SACM1L: variants seen among roughly 807,000 people sequenced by gnomAD.
SACM1L encodes SAC1 like phosphatidylinositide phosphatase.
Under a neutral mutation model 89.5 loss-of-function variants are expected in SACM1L, and 32 were observed. The observed-to-expected ratio is 0.36, with a 90% confidence interval of 0.27 to 0.48. The LOEUF is 0.48. Among genes scored for constraint, SACM1L ranks in the 20% least tolerant of loss-of-function variants. The pLI, the probability that SACM1L is intolerant of heterozygous loss-of-function variation, is 0.99. For missense variants in SACM1L, 543 were observed against 708.5 expected, an observed-to-expected ratio of 0.77 and a Z score of 2.65; for synonymous variants, 213 against 232.8, an observed-to-expected ratio of 0.92 and a Z score of 0.77.
At chr3:45,722,769 TCCC>T in intron 9 of SACM1L, 97 bp from the exon 10 acceptor site, 1 of 773,148 alleles carries the variant, frequency 1.3e-6, no homozygotes, top group Admixed American at 2.8e-5. Context: ...ATTAGTTTTT[TCCC>T]TTGCATATTC....
At chr3:45,707,138 A>G in intron 4 of SACM1L, 1 of 363,564 alleles carries the variant, frequency 2.8e-6, no homozygotes, top group Non-Finnish European at 4.9e-6. Context: ...ATGCAATTTC[A>G]TATGGAGAGA....
rs1407746136 is a variant in SACM1L at position 45,705,184 on chromosome 3, A to G, written c.180A>G (p.Ile60Met). 3.7e-6 allele frequency: 6 copies of G among 1,610,972 alleles called. No individual in the cohort carries two copies. Among genetic ancestry groups the G allele is most frequent in the Non-Finnish European group, 5.1e-6 (6 of 1,177,646 alleles). Residue 60 changes from isoleucine to methionine, a missense_variant, in exon 3 of 20, where the codon ATA becomes ATG. Ile to Met is a conservative substitution (Grantham distance 10). This residue lies in a region of SACM1L where 173 missense variants were observed against 180.9 expected (regional missense o/e 0.96). Transcript: ENST00000389061. ...CTGTCACAAGACCAATATTTGGTAT[A>G]CTGGGCACAATCCATCTGGTGGCAG... ...PSAVTRPIFG[I>M]LGTIHLVAGN...
chr3:45,727,349 G>A (rs1698945235), intron 11 of SACM1L, among the ~76,000 whole-genome samples: 1 of 151,894 alleles, frequency 6.6e-6, no homozygotes, highest in African/African-American at 2.4e-5. Flanking sequence ...TTGATTTTTA[G>A]CTTTCTGTTG....
intron 6 of SACM1L, 33 bp from the exon 7 acceptor site, chr3:45,714,013 T>C (rs1370671292): frequency 1.7e-6 from 2 of 1,192,606 alleles, no homozygotes; most frequent in East Asian, 2.7e-5. Flanking sequence ...ATTTTTAAAG[T>C]ATATTTATTC....
intron 8 of SACM1L, among the ~76,000 whole-genome samples, chr3:45,720,667 TCTGA>T (rs1698768938): frequency 6.6e-6 from 1 of 152,192 alleles, no homozygotes; most frequent in African/African-American, 2.4e-5. Context: ...TCAGTCTGAC[TCTGA>T]CTTTTAAAAA....
At chr3:45,712,349 A>G (rs1698549257) in intron 5 of SACM1L, among the ~76,000 whole-genome samples, 1 of 152,076 alleles carries the variant, frequency 6.6e-6, no homozygotes, top group African/African-American at 2.4e-5. Flanking sequence ...GGTTCCAGTG[A>G]TTCTTGTGCC....
rs530990468 is a variant in SACM1L, at chr3:45,690,941, G to A, written c.32+1444G>A. Among the ~76,000 whole-genome samples, 49 of 152,312 alleles carry A rather than the reference G, an allele frequency of 3.2e-4. 1 individual carries two copies. The highest frequency in any genetic ancestry group is 5.2e-4 in the Admixed American group (8 of 15,302). On this transcript the variant is annotated intron_variant, in intron 1 of 19. Coordinates refer to ENST00000389061, the MANE Select transcript of SACM1L (RefSeq NM_014016.5). ...GGTCTCAAATGTGTTTAAGCCATATGGAGCCATGGCTTCATGCAGCTTAGC... is the reference window on the plus strand; with the variant it reads ...GGTCTCAAATGTGTTTAAGCCATATAGAGCCATGGCTTCATGCAGCTTAGC...
At chr3:45,704,899 C>T (rs1698351845) in intron 2 of SACM1L, among the ~76,000 whole-genome samples, 1 of 152,122 alleles carries the variant, frequency 6.6e-6, no homozygotes, top group Non-Finnish European at 1.5e-5. Flanking sequence ...ATTTTTTCTT[C>T]CATGAAAAAA....
chr3:45,698,320 T>A (rs904427114), intron 1 of SACM1L, among the ~76,000 whole-genome samples: 4 of 152,208 alleles, frequency 2.6e-5, no homozygotes, highest in African/African-American at 9.7e-5. Flanking sequence ...CTAATGAGCA[T>A]CCCTAGAAAT....
chr3:45,728,191 GA>G, intron 11 of SACM1L, among the ~76,000 whole-genome samples: 3 of 152,202 alleles, frequency 2.0e-5, no homozygotes, highest in Admixed American at 2.0e-4. Context: ...GGTCTAACAT[GA>G]ATCTCTTAGA....
At chr3:45,724,364 G>A (rs1698866173) in intron 11 of SACM1L, among the ~76,000 whole-genome samples, 1 of 150,534 alleles carries the variant, frequency 6.6e-6, no homozygotes, top group African/African-American at 2.4e-5. Context: ...TGGGTGTGGA[G>A]TGGTGTTGAG....
At position 45,703,508 on chromosome 3, in the gene SACM1L, C is replaced by T. The variant is rs1018922406; in HGVS notation, c.103C>T (p.Arg35Cys). 8.7e-6 allele frequency: 14 copies of T among 1,612,542 alleles called. No individual in the cohort carries two copies. The highest frequency in any genetic ancestry group is 2.2e-5 in the East Asian group (1 of 44,808). The change falls in exon 2 of 20, where the codon CGT becomes TGT. Residue 35 changes from arginine (R) to cysteine (C), a missense_variant. Physicochemically the swap from Arg to Cys is radical, Grantham distance 180 (BLOSUM62 -3). Coordinates refer to ENST00000389061, the MANE Select transcript of SACM1L (RefSeq NM_014016.5). ...DGADDVLTID[R>C]VSTEVTLAVK... ...AGCAGATGACGTACTTACCATTGAC[C>T]GTGTGTCCACAGAGGTTACCCTTGC...
chr3:45,717,734 C>T (rs773474469), intron 7 of SACM1L, among the ~76,000 whole-genome samples: 21 of 152,182 alleles, frequency 1.4e-4, no homozygotes, highest in Non-Finnish European at 2.9e-4. Flanking sequence ...TCCCCAGCCA[C>T]AGTGTGGCAT....
At chr3:45,743,000 A>G (rs1473085681) in intron 19 of SACM1L, 2 of 152,268 alleles carry the variant, frequency 1.3e-5, no homozygotes, top group African/African-American at 2.4e-5. Context: ...TTTGTTTTAT[A>G]TATTTGTGTA....
At chr3:45,732,021 G>T in intron 12 of SACM1L, 32 bp from the exon 13 acceptor site, 2 of 1,268,452 alleles carry the variant, frequency 1.6e-6, no homozygotes, top group South Asian at 1.4e-5. Context: ...AATGATCTCT[G>T]GTCGGTTTCT....
At chr3:45,734,370 G>A (rs913173318) in intron 13 of SACM1L, among the ~76,000 whole-genome samples, 5 of 151,112 alleles carry the variant, frequency 3.3e-5, no homozygotes, top group Admixed American at 1.3e-4. Flanking sequence ...CTGAGATCAT[G>A]CCACTGTGCT....
chr3:45,741,658 T>C (rs1461157668), intron 19 of SACM1L, among the ~76,000 whole-genome samples: 1 of 152,200 alleles, frequency 6.6e-6, no homozygotes, highest in African/African-American at 2.4e-5. Flanking sequence ...AGTCGTGACA[T>C]AGTTTTAACT....
At position 45,701,542 on chromosome 3, in the gene SACM1L, G is replaced by T. The variant is rs570283363; in HGVS notation, c.33-1896G>T. The stretch of plus-strand genomic sequence containing the variant: ...GTTTAAAAAAAATGGCTTAAGACTA[G>T]ATGTCTCGAATTTCTTTATATTTCT... On this transcript the variant is annotated intron_variant, in intron 1 of 19. Transcript: ENST00000389061. Among the ~76,000 whole-genome samples the T allele has an allele frequency of 4.2e-4, 64 of 152,302 alleles. 1 individual carries two copies. The South Asian group carries it at 0.012, about 28-fold the overall frequency.
At chr3:45,698,158 T>G (rs1575384146) in intron 1 of SACM1L, among the ~76,000 whole-genome samples, 1 of 152,166 alleles carries the variant, frequency 6.6e-6, no homozygotes, top group East Asian at 1.9e-4. Flanking sequence ...ATAAAATTTA[T>G]TACATAAAAC....
Sources: allele counts gnomAD v4.1 joint callset (sites outside exome capture counted in the v4.1 genomes callset), GRCh38; gene constraint gnomAD v4.1.1; regional missense constraint gnomAD v4.1.1; transcripts MANE v1.5; gene names NCBI Gene and HGNC (gene_info 2026-07-23, HGNC 2026-07-21).